The following DOCK2 variants were observed in gnomAD, a reference collection of about 807,000 sequenced individuals.
DOCK2 encodes dedicator of cytokinesis protein 2.
Under a neutral mutation model 248.9 loss-of-function variants are expected in DOCK2, and 87 were observed. That is an observed-to-expected ratio of 0.35 (90% CI 0.29 to 0.42). The LOEUF is 0.42. Ranked by LOEUF, DOCK2 falls within the 10% of genes least tolerant of loss-of-function variation. The probability of loss-of-function intolerance (pLI) is 1.00; values close to 1 mark genes in which losing one functional copy is unlikely to be tolerated. For synonymous variants in DOCK2, 805 were observed against 821.6 expected (o/e 0.98, Z 0.35); for missense variants, 1,747 against 2,300.2 (o/e 0.76, Z 4.92).
At chr5:169,668,301 C>G (rs1322473703) in intron 2 of DOCK2, among the ~76,000 whole-genome samples, 1 of 152,202 alleles carries the variant, frequency 6.6e-6, no homozygotes, top group African/African-American at 2.4e-5. Context: ...CTTCCTTTCT[C>G]CTTTTCTCCT....
intron 27 of DOCK2, among the ~76,000 whole-genome samples, chr5:169,917,265 C>A (rs1774924347): frequency 6.6e-6 from 1 of 152,198 alleles, no homozygotes; most frequent in African/African-American, 2.4e-5. Context: ...TCCTAGTAGA[C>A]CAGGCCAATA....
intron 27 of DOCK2, among the ~76,000 whole-genome samples, chr5:169,974,068 AATAAG>A (rs1777623184): frequency 6.6e-6 from 1 of 152,236 alleles, no homozygotes; most frequent in Non-Finnish European, 1.5e-5. Flanking sequence ...TTTTAATGAT[AATAAG>A]ATCATACCAT....
At chr5:169,708,291 A>G (rs781755702) in intron 15 of DOCK2, 24 bp downstream of exon 15, 2 of 1,601,778 alleles carry the variant, frequency 1.2e-6, no homozygotes, top group Admixed American at 1.7e-5. Context: ...ATAGCAGCAA[A>G]CACATGTCTA....
intron 25 of DOCK2, among the ~76,000 whole-genome samples, chr5:169,786,313 C>T (rs1255497944): frequency 6.6e-6 from 1 of 152,102 alleles, no homozygotes; most frequent in Non-Finnish European, 1.5e-5. Flanking sequence ...GCATCTTTGG[C>T]CCCTGAGGAA....
chr5:170,080,292 C>T lies in DOCK2; in HGVS notation c.5287+9C>T, dbSNP rs1757983692. On this transcript the variant is annotated intron_variant, in intron 50 of 51. Coordinates refer to ENST00000520908, the MANE Select transcript of DOCK2 (RefSeq NM_004946.3). The stretch of plus-strand genomic sequence containing the variant: ...CATGCCTACCATCCCAGGTATGCCC[C>T]CTGCTGCCACCAGCATGAGGGAGTA... The T allele has an allele frequency of 6.2e-7, 1 of 1,613,868 alleles. No individual in the cohort carries two copies. Among genetic ancestry groups the T allele is most frequent in the African/African-American group, 1.3e-5 (1 of 74,928 alleles).
At chr5:169,736,899 G>T (rs989618241) in intron 22 of DOCK2, among the ~76,000 whole-genome samples, 1 of 152,080 alleles carries the variant, frequency 6.6e-6, no homozygotes, top group African/African-American at 2.4e-5. Flanking sequence ...GTAATCACAT[G>T]TTTATCCAAC....
chr5:170,008,603 T>A lies in DOCK2; in HGVS notation c.3173+6T>A. On this transcript the variant is annotated splice_donor_region_variant and intron_variant, in intron 31 of 51. Transcript: ENST00000520908. ...TACAACAAAATCCTGAATAAGTAGG[T>A]TGCATTTTTGGATTTCCTGAAGAGG... 1 of 1,614,020 alleles carries A rather than the reference T, an allele frequency of 6.2e-7. No homozygotes were observed. The highest frequency in any genetic ancestry group is 8.5e-7 in the Non-Finnish European group (1 of 1,179,956).
At chr5:169,837,768 C>T (rs1441122210) in intron 26 of DOCK2, among the ~76,000 whole-genome samples, 3 of 152,176 alleles carry the variant, frequency 2.0e-5, no homozygotes, top group Admixed American at 2.0e-4. Flanking sequence ...ACTCAAGTAT[C>T]TCTAATCTCA....
At chr5:169,749,405 T>C (rs1446539205) in intron 23 of DOCK2, among the ~76,000 whole-genome samples, 3 of 152,162 alleles carry the variant, frequency 2.0e-5, no homozygotes, top group Non-Finnish European at 2.9e-5. Flanking sequence ...ATAATAATCA[T>C]ATGAGTTCTC....
chr5:170,015,328 A>AG (rs1755479214), intron 32 of DOCK2, among the ~76,000 whole-genome samples: 1 of 152,186 alleles, frequency 6.6e-6, no homozygotes, highest in African/African-American at 2.4e-5. Flanking sequence ...GTAAATGACA[A>AG]GCACAATACC....
intron 14 of DOCK2, 83 bp from the exon 15 acceptor site, chr5:169,708,086 C>T (rs534232244): frequency 1.4e-5 from 21 of 1,449,598 alleles, no homozygotes; most frequent in Middle Eastern, 1.7e-4. Flanking sequence ...TAAGGCTGGT[C>T]GTGGCCTAGG....
Position 169,817,298 on chromosome 5 carries a change from C to A in DOCK2, c.2703+14092C>A, listed in dbSNP as rs530585588. ...TAGGCCTTTCTGGCACATGTTGAGA[C>A]AAGCCTAACACTTTTTGTTATTTCT... On this transcript the variant is annotated intron_variant, in intron 26 of 51. Transcript: ENST00000520908. 2.0e-5 allele frequency among the ~76,000 whole-genome samples: 3 copies of A among 152,342 alleles called. No individual in the cohort carries two copies. The East Asian group carries it at 5.8e-4, about 29-fold the overall frequency.
rs187837320 is a variant in DOCK2, at chr5:169,755,722, C to T, written c.2377-3983C>T. Among the ~76,000 whole-genome samples the T allele has an allele frequency of 2.0e-4, 30 of 152,052 alleles. No individual in the cohort carries two copies. In the East Asian group the frequency reaches 4.2e-3, roughly 22 times the overall value. ...TTGTGCCACTGCACTGCATCCTGGGCGACAGAGTGAGACTCCGTCTCAAAA... is the reference window on the plus strand; with the variant it reads ...TTGTGCCACTGCACTGCATCCTGGGTGACAGAGTGAGACTCCGTCTCAAAA... On this transcript the variant is annotated intron_variant, in intron 23 of 51. Coordinates refer to ENST00000520908, the MANE Select transcript of DOCK2 (RefSeq NM_004946.3).
intron 14 of DOCK2, among the ~76,000 whole-genome samples, chr5:169,707,817 T>G (rs1761359920): frequency 6.6e-6 from 1 of 152,206 alleles, no homozygotes; most frequent in Admixed American, 6.5e-5. Flanking sequence ...TTTCTGCACA[T>G]TCACATTTAG....
At chr5:169,999,389 A>T (rs1754757296) in intron 30 of DOCK2, among the ~76,000 whole-genome samples, 1 of 152,228 alleles carries the variant, frequency 6.6e-6, no homozygotes, top group Non-Finnish European at 1.5e-5. Flanking sequence ...TGCTGGGGAC[A>T]TAGCAGCCAT....
intron 27 of DOCK2, among the ~76,000 whole-genome samples, chr5:169,935,660 C>T (rs1775957671): frequency 6.6e-6 from 1 of 152,230 alleles, no homozygotes; most frequent in African/African-American, 2.4e-5. Context: ...TGAACGTTGC[C>T]GATGCGGTGA....
At chr5:169,795,757 A>G (rs1225008241) in intron 25 of DOCK2, among the ~76,000 whole-genome samples, 1 of 152,178 alleles carries the variant, frequency 6.6e-6, no homozygotes, top group Non-Finnish European at 1.5e-5. Flanking sequence ...ATGCTCGCAA[A>G]CCGAACAGAA....
At chr5:169,652,280 C>G (rs542429200) in intron 1 of DOCK2, among the ~76,000 whole-genome samples, 17 of 152,372 alleles carry the variant, frequency 1.1e-4, no homozygotes, top group Non-Finnish European at 1.9e-4. Flanking sequence ...CTTCACTGCT[C>G]TCTTGGCTGG....
In DOCK2 at chr5:170,008,059, T is replaced by C. The variant is rs144351979; in HGVS notation, c.3073-438T>C. On this transcript the variant is annotated intron_variant, in intron 30 of 51. Coordinates refer to ENST00000520908, the MANE Select transcript of DOCK2 (RefSeq NM_004946.3). ...GCTGTCAGGTGAATTAGGGAGGACTTCCAGAGAGGCAGTGAATCCCTGAAC... is the reference window on the plus strand; with the variant it reads ...GCTGTCAGGTGAATTAGGGAGGACTCCCAGAGAGGCAGTGAATCCCTGAAC... 1.3e-3 allele frequency among the ~76,000 whole-genome samples: 198 copies of C among 152,220 alleles called. 1 individual carries two copies. The highest frequency in any genetic ancestry group is 4.6e-3 in the African/African-American group (190 of 41,524).
Sources: allele counts gnomAD v4.1 joint callset (sites outside exome capture counted in the v4.1 genomes callset), GRCh38; gene constraint gnomAD v4.1.1; transcripts MANE v1.5; gene names NCBI Gene and HGNC (gene_info 2026-07-23, HGNC 2026-07-21).